Variants in CSMD1 observed in about 807,000 individuals in gnomAD.
The protein encoded by CSMD1 is CUB and Sushi multiple domains 1.
In CSMD1, 213 loss-of-function variants were observed where a neutral mutation model predicts 417.5. That is an observed-to-expected ratio of 0.51 (90% CI 0.46 to 0.57). The LOEUF (loss-of-function observed/expected upper bound fraction) is 0.57. Among genes scored for constraint, CSMD1 ranks in the 20% least tolerant of loss-of-function variants. The probability of loss-of-function intolerance (pLI) is 0.00; values close to 1 mark genes in which losing one functional copy is unlikely to be tolerated. For missense variants in CSMD1, 6,923 were observed against 4,529.7 expected (o/e 1.53, Z -15.17); for synonymous variants, 2,862 against 1,736.8 (o/e 1.65, Z -16.11).
chr8:3,554,344 G>C (rs1211968151), intron 10 of CSMD1, among the ~76,000 whole-genome samples: 1 of 152,212 alleles, frequency 6.6e-6, no homozygotes, highest in Non-Finnish European at 1.5e-5. Context: ...AACTACAGAA[G>C]ACCTGCTGGC....
intron 1 of CSMD1, among the ~76,000 whole-genome samples, chr8:4,822,045 C>T (rs765948262): frequency 2.6e-5 from 4 of 152,166 alleles, no homozygotes; most frequent in Non-Finnish European, 5.9e-5. Context: ...TACATTCCCT[C>T]TTTCCCTTTT....
At chr8:3,494,735 T>C (rs1470622593) in intron 10 of CSMD1, among the ~76,000 whole-genome samples, 3 of 151,638 alleles carry the variant, frequency 2.0e-5, no homozygotes, top group East Asian at 3.9e-4. Flanking sequence ...ACGCAGAGGG[T>C]GTGAGAAAGG....
chr8:4,460,953 T>C (rs1171747616), intron 2 of CSMD1, among the ~76,000 whole-genome samples: 1 of 152,126 alleles, frequency 6.6e-6, no homozygotes, highest in Non-Finnish European at 1.5e-5. Context: ...AAGCCAGACA[T>C]AGTTATAGAT....
intron 10 of CSMD1, among the ~76,000 whole-genome samples, chr8:3,510,403 G>T (rs573352463): frequency 6.6e-6 from 1 of 151,822 alleles, no homozygotes; most frequent in Non-Finnish European, 1.5e-5. Flanking sequence ...TCTTTTGAGC[G>T]CAGGCTCTGT....
chr8:4,125,505 G>A (rs959392208), intron 3 of CSMD1, among the ~76,000 whole-genome samples: 12 of 152,148 alleles, frequency 7.9e-5, no homozygotes, highest in African/African-American at 1.4e-4. Flanking sequence ...GGTACACGTC[G>A]GCCGGACCTC....
intron 3 of CSMD1, among the ~76,000 whole-genome samples, chr8:4,073,273 T>C (rs893051698): frequency 1.3e-5 from 2 of 152,172 alleles, no homozygotes; most frequent in Admixed American, 6.5e-5. Context: ...AGGCCAAAAT[T>C]AGAGTTGAAA....
At chr8:4,824,199 C>G (rs980447379) in intron 1 of CSMD1, among the ~76,000 whole-genome samples, 1 of 151,990 alleles carries the variant, frequency 6.6e-6, no homozygotes, top group Admixed American at 6.6e-5. Flanking sequence ...AATTCATTCT[C>G]TACCTATAAC....
At chr8:4,550,627 T>A (rs529952038) in intron 2 of CSMD1, among the ~76,000 whole-genome samples, 3 of 152,154 alleles carry the variant, frequency 2.0e-5, no homozygotes, top group Non-Finnish European at 4.4e-5. Context: ...AAATCATAGA[T>A]GTTGGGATTT....
intron 25 of CSMD1, among the ~76,000 whole-genome samples, chr8:3,287,542 G>A (rs934997863): frequency 9.9e-5 from 15 of 151,984 alleles, no homozygotes; most frequent in Non-Finnish European, 1.5e-4. Flanking sequence ...GGATTCCTAG[G>A]TATTTTATTC....
chr8:3,346,233 C>T (rs1433815911), intron 22 of CSMD1, among the ~76,000 whole-genome samples: 2 of 152,048 alleles, frequency 1.3e-5, no homozygotes, highest in Non-Finnish European at 2.9e-5. Context: ...TTGTTATAAT[C>T]AACTTTAAAC....
At chr8:4,578,930 T>C (rs998180571) in intron 2 of CSMD1, among the ~76,000 whole-genome samples, 2 of 150,732 alleles carry the variant, frequency 1.3e-5, no homozygotes, top group African/African-American at 4.9e-5. Flanking sequence ...TGTGGAAAAA[T>C]ATTAAATCAA....
At chr8:3,800,714 G>A (rs941648620) in intron 5 of CSMD1, among the ~76,000 whole-genome samples, 1 of 152,132 alleles carries the variant, frequency 6.6e-6, no homozygotes, top group South Asian at 2.1e-4. Context: ...GACAAGGTAA[G>A]AACAGTTCTT....
chr8:3,601,828 T>C (rs565381399), intron 8 of CSMD1, among the ~76,000 whole-genome samples: 3 of 152,188 alleles, frequency 2.0e-5, no homozygotes, highest in Non-Finnish European at 4.4e-5. Flanking sequence ...AATGATTCAT[T>C]CTGTTTCCCC....
At chr8:3,669,982 A>T (rs2624097) in intron 7 of CSMD1, among the ~76,000 whole-genome samples, 117,737 of 152,128 alleles carry the variant, frequency 0.77, 46,281 homozygotes, top group African/African-American at 0.91. Context: ...ATTTTAAGCT[A>T]TCAGGTGCAA....
At chr8:4,907,733 T>C (rs997876975) in intron 1 of CSMD1, among the ~76,000 whole-genome samples, 7 of 151,548 alleles carry the variant, frequency 4.6e-5, no homozygotes, top group Non-Finnish European at 8.8e-5. Context: ...AATTTTTTTT[T>C]TTTTTCATTT....
At position 3,029,513 on chromosome 8, in the gene CSMD1, G is replaced by A. The variant is rs535819091; in HGVS notation, c.7661C>T (p.Pro2554Leu). 14 of 1,588,592 alleles carry A rather than the reference G, an allele frequency of 8.8e-6. No individual in the cohort carries two copies. Among genetic ancestry groups the A allele is most frequent in the African/African-American group, 5.4e-5 (4 of 74,232 alleles). Residue 2554 changes from proline to leucine, a missense_variant and splice_region_variant, in exon 51 of 70, where the codon CCG becomes CTG. Coordinates refer to ENST00000635120, the MANE Select transcript of CSMD1 (RefSeq NM_033225.6). ...SNKGKPPTCK[P>L]VACPSIEAQL... is the part of the protein sequence containing the mutation. ...AGCTTCAATGCTGGGGCAAGCGACC[G>A]CTGGAAGGGAAACGTACATCACATC...
intron 3 of CSMD1, among the ~76,000 whole-genome samples, chr8:4,190,189 G>A (rs1280929613): frequency 6.7e-6 from 1 of 150,122 alleles, no homozygotes; most frequent in East Asian, 2.0e-4. Flanking sequence ...AACCTGGGAG[G>A]TGGAGCTTGC....
chr8:3,950,582 C>T (rs1006665610), intron 5 of CSMD1, among the ~76,000 whole-genome samples: 3 of 152,316 alleles, frequency 2.0e-5, no homozygotes, highest in East Asian at 3.9e-4. Context: ...AGCAATATTG[C>T]GTGAAATATG....
At chr8:4,292,457 T>G (rs1270156545) in intron 3 of CSMD1, among the ~76,000 whole-genome samples, 4 of 152,094 alleles carry the variant, frequency 2.6e-5, no homozygotes, top group Non-Finnish European at 5.9e-5. Context: ...TTTCACCGTG[T>G]TAGTCAGAAT....
Sources: gnomAD v4.1 joint callset for allele counts (sites outside exome capture counted in the v4.1 genomes callset) on GRCh38, gnomAD v4.1.1 for gene constraint, MANE v1.5 for transcripts, NCBI Gene and HGNC (gene_info 2026-07-23, HGNC 2026-07-21) for gene names.